Variants in NPC2 observed in about 807,000 individuals in gnomAD.
The protein encoded by NPC2 is NPC intracellular cholesterol transporter 2.
In NPC2, 14 loss-of-function variants were observed where a neutral mutation model predicts 17.0. The ratio of observed to expected loss-of-function variants is 0.82; its 90% CI spans 0.54 to 1.29. NPC2 has a LOEUF of 1.29. Ranked by LOEUF, NPC2 falls within the 50% of genes most tolerant of loss-of-function variation. NPC2 has a pLI of 0.00. For synonymous variants in NPC2, 75 were observed against 69.3 expected (o/e 1.08, Z -0.41); for missense variants, 167 against 183.4 (o/e 0.91, Z 0.52).
At position 74,493,165 on chromosome 14, in the gene NPC2, G is replaced by A. The variant is rs1276104951; in HGVS notation, c.82+28C>T. 3 of 1,593,580 alleles carry A rather than the reference G, an allele frequency of 1.9e-6. No individual in the cohort carries two copies. The highest frequency in any genetic ancestry group is 2.6e-6 in the Non-Finnish European group (3 of 1,171,504). On this transcript the variant is annotated intron_variant, in intron 1 of 4. Coordinates refer to ENST00000555619, the MANE Select transcript of NPC2 (RefSeq NM_006432.5). The surrounding 1 kb of genome is among the most constrained non-coding windows in gnomAD (Gnocchi z 4.1). ...CGGCGGGGCCTTCCACAGAGGGCGC[G>A]GGAACCTTGGGCGGGCCTGGGGCTC...
chr14:74,490,461 G>T (rs938651386), intron 1 of NPC2, among the ~76,000 whole-genome samples: 11 of 152,126 alleles, frequency 7.2e-5, no homozygotes, highest in Non-Finnish European at 1.2e-4. Context: ...GGTGAATAGG[G>T]AAAAAAGAAA....
intron 1 of NPC2, among the ~76,000 whole-genome samples, chr14:74,491,331 A>G (rs901805090): frequency 2.7e-4 from 41 of 152,116 alleles, no homozygotes. Flanking sequence ...TTGGCCTCCC[A>G]AAGTGCTGGG....
In NPC2 at chr14:74,493,264, AG is replaced by A. The variant is rs776009695; in HGVS notation, c.10del (p.Leu4TrpfsTer31). MRF[L>X]AATFLLLALS... ...CGCCAGGAGCAGGAATGTAGCTGCCAGGAAACGCATCGCGGATAACGAAGTT... is the reference window on the plus strand; with the variant it reads ...CGCCAGGAGCAGGAATGTAGCTGCCAGAAACGCATCGCGGATAACGAAGTT... On this transcript the variant is annotated frameshift_variant, in exon 1 of 5. Coordinates refer to ENST00000555619, the MANE Select transcript of NPC2 (RefSeq NM_006432.5). LOFTEE classifies it high-confidence loss of function. This position sits in a 1 kb window ranked among gnomAD's most constrained non-coding sequence, Gnocchi z 4.1. 2 of 1,613,308 alleles carry A rather than the reference AG, an allele frequency of 1.2e-6. No homozygotes were observed. Among genetic ancestry groups the A allele is most frequent in the Non-Finnish European group, 1.7e-6 (2 of 1,179,702 alleles).
At chr14:74,481,908 T>C (rs1402559769) in intron 3 of NPC2, among the ~76,000 whole-genome samples, 2 of 152,238 alleles carry the variant, frequency 1.3e-5, no homozygotes, top group Non-Finnish European at 1.5e-5. Context: ...TGTACTCTAA[T>C]GTTTCTTCAC....
At chr14:74,488,494 T>A (rs1034301890) in intron 1 of NPC2, among the ~76,000 whole-genome samples, 1 of 152,150 alleles carries the variant, frequency 6.6e-6, no homozygotes, top group Non-Finnish European at 1.5e-5. Context: ...GGCAGGTGGA[T>A]CAAGAGGTTA....
chr14:74,493,097 G>C lies in NPC2; in HGVS notation c.82+96C>G. On this transcript the variant is annotated intron_variant, in intron 1 of 4. Coordinates refer to ENST00000555619, the MANE Select transcript of NPC2 (RefSeq NM_006432.5). This position sits in a 1 kb window ranked among gnomAD's most constrained non-coding sequence, Gnocchi z 4.1. ...TCCAAGGCTCAGCCTGGCCGCCCGAGGGATCCGCCCAGCCCAGCCCCAGGG... is the reference window on the plus strand; with the variant it reads ...TCCAAGGCTCAGCCTGGCCGCCCGACGGATCCGCCCAGCCCAGCCCCAGGG... 6.8e-7 allele frequency: 1 copy of C among 1,473,408 alleles called. No homozygotes were observed. The allele number at this position is 1,473,408 out of a possible 1,614,324, so 91.3% of individuals were successfully genotyped here.
chr14:74,481,717 C>G (rs986898689), intron 3 of NPC2, among the ~76,000 whole-genome samples: 5 of 152,226 alleles, frequency 3.3e-5, no homozygotes, highest in African/African-American at 1.2e-4. Context: ...TAGCAATATA[C>G]TTTCAGTTAA....
chr14:74,482,156 G>A (rs928650083), intron 3 of NPC2, among the ~76,000 whole-genome samples: 10 of 152,228 alleles, frequency 6.6e-5, no homozygotes, highest in Non-Finnish European at 1.3e-4. Context: ...CCATGGTTAT[G>A]TGGATATTCA....
chr14:74,484,886 C>T (rs1489683471), intron 2 of NPC2, among the ~76,000 whole-genome samples: 1 of 151,528 alleles, frequency 6.6e-6, no homozygotes, highest in Non-Finnish European at 1.5e-5. Flanking sequence ...AACAAGGCAA[C>T]TGATTTTTGG....
chr14:74,493,271 G>A lies in NPC2; in HGVS notation c.4C>T (p.Arg2Cys). ...AGCAGGAATGTAGCTGCCAGGAAAC[G>A]CATCGCGGATAACGAAGTTCCAAGC... M[R>C]FLAATFLLLA... The change falls in exon 1 of 5, where the codon CGT (arginine) becomes TGT (cysteine). Residue 2 changes from arginine (R) to cysteine (C), a missense_variant. Transcript: ENST00000555619. This position sits in a 1 kb window ranked among gnomAD's most constrained non-coding sequence, Gnocchi z 4.1. The A allele has an allele frequency of 2.5e-6, 4 of 1,613,084 alleles. No homozygotes were observed. Among genetic ancestry groups the A allele is most frequent in the East Asian group, 4.5e-5 (2 of 44,828 alleles).
At chr14:74,489,479 C>T (rs1018268668) in intron 1 of NPC2, among the ~76,000 whole-genome samples, 4 of 152,184 alleles carry the variant, frequency 2.6e-5, no homozygotes, top group Non-Finnish European at 5.9e-5. Context: ...TGATTTTAAG[C>T]ACACATCTGC....
In NPC2 at chr14:74,484,501, A is replaced by G; in HGVS notation, c.277T>C (p.Cys93Arg). ...ATAGGGCAGTTAATTCCACTCTTAC[A>G]ACCATCAGGCTCAGGAATGGGAAAG... Reference protein sequence around the residue: ...VPFPIPEPDGCKSGINCPIQK... With the variant: ...VPFPIPEPDGRKSGINCPIQK... Residue 93 changes from cysteine to arginine, a missense_variant, in exon 3 of 5, where the codon TGT becomes CGT. Transcript: ENST00000555619. 6.2e-7 allele frequency: 1 copy of G among 1,614,070 alleles called. No homozygotes were observed. The highest frequency in any genetic ancestry group is 8.5e-7 in the Non-Finnish European group (1 of 1,180,008).
At chr14:74,492,511 GAAC>G (rs2086786749) in intron 1 of NPC2, among the ~76,000 whole-genome samples, 1 of 152,092 alleles carries the variant, frequency 6.6e-6, no homozygotes. Context: ...CTCCACCTCT[GAAC>G]AACATTGCTC....
At chr14:74,480,955 T>G (rs1448933731) in intron 3 of NPC2, among the ~76,000 whole-genome samples, 176 bp from the exon 4 acceptor site, 2 of 152,186 alleles carry the variant, frequency 1.3e-5, no homozygotes, top group African/African-American at 4.8e-5. Context: ...CTTAAGAGAG[T>G]GAACAAAGTT....
At chr14:74,492,908 T>G (rs1393829516) in intron 1 of NPC2, among the ~76,000 whole-genome samples, 1 of 152,336 alleles carries the variant, frequency 6.6e-6, no homozygotes, top group East Asian at 1.9e-4. Context: ...CCTTCTGTTG[T>G]CCGCCCTACA....
intron 3 of NPC2, chr14:74,483,573 G>A: frequency 1.5e-6 from 2 of 1,338,378 alleles, no homozygotes; most frequent in South Asian, 3.1e-5. Context: ...TAATTGGAAA[G>A]TGCCAGCATT....
intron 3 of NPC2, chr14:74,482,993 T>C: frequency 1.3e-6 from 1 of 786,976 alleles, no homozygotes; most frequent in East Asian, 2.7e-5. Flanking sequence ...CTAGTGGTCC[T>C]TGGTTCAGGA....
chr14:74,492,334 G>A (rs2086784986), intron 1 of NPC2, among the ~76,000 whole-genome samples: 2 of 152,158 alleles, frequency 1.3e-5, no homozygotes, highest in South Asian at 4.1e-4. Flanking sequence ...AACCCCTTGG[G>A]CGGTTACACT....
Position 74,480,399 on chromosome 14 carries a change from G to T in NPC2, c.442-111C>A. On this transcript the variant is annotated intron_variant, in intron 4 of 4. Coordinates refer to ENST00000555619, the MANE Select transcript of NPC2 (RefSeq NM_006432.5). ...GACATTCCTAAGCAACCTCCTTCAGGTCCTGTCTGGCTGGACCTTCCTTAC... is the reference window on the plus strand; with the variant it reads ...GACATTCCTAAGCAACCTCCTTCAGTTCCTGTCTGGCTGGACCTTCCTTAC... The T allele has an allele frequency of 4.1e-6, 4 of 964,272 alleles. No homozygotes were observed. In the South Asian group the frequency reaches 5.2e-5, roughly 12 times the overall value. 59.7% of individuals were successfully genotyped at this position (964,272 alleles called of 1,614,324 possible).
Sources: allele counts gnomAD v4.1 joint callset (sites outside exome capture counted in the v4.1 genomes callset), GRCh38; gene constraint gnomAD v4.1.1; non-coding constraint Gnocchi (gnomAD v3.1); transcripts MANE v1.5; gene names NCBI Gene and HGNC (gene_info 2026-07-23, HGNC 2026-07-21).